SSH3: variants seen among roughly 807,000 people sequenced by gnomAD.
SSH3 encodes the protein slingshot protein phosphatase 3.
In SSH3, 67 loss-of-function variants were observed where a neutral mutation model predicts 75.0. That is an observed-to-expected ratio of 0.89 (90% CI 0.73 to 1.10). The LOEUF is 1.10. SSH3 is among the 50% of genes least tolerant of loss of function. SSH3 has a pLI of 0.00. For missense variants in SSH3, 824 were observed against 872.7 expected (o/e 0.94, Z 0.70); for synonymous variants, 318 against 349.2 (o/e 0.91, Z 1.00).
chr11:67,306,882 G>A lies in SSH3; in HGVS notation c.384G>A (p.Leu128=), dbSNP rs773250919. The change falls in exon 4 of 14, where the codon CTG becomes CTA. Residue 128 remains leucine, a synonymous_variant. Transcript: ENST00000308127. ...CCCGGCCTCCCCGGCTCCGCTACCTGCTGGTAGTTTCTACACGAGAAGGAG... is the reference window on the plus strand; with the variant it reads ...CCCGGCCTCCCCGGCTCCGCTACCTACTGGTAGTTTCTACACGAGAAGGAG... ...EAPRPPRLRY[L]LVVSTREGEG... The A allele has an allele frequency of 9.9e-6, 16 of 1,613,622 alleles. No homozygotes were observed. Among genetic ancestry groups the A allele is most frequent in the East Asian group, 2.2e-5 (1 of 44,870 alleles).
At position 67,309,392 on chromosome 11, in the gene SSH3, G is replaced by A; in HGVS notation, c.1062-5G>A. On this transcript the variant is annotated splice_polypyrimidine_tract_variant and splice_region_variant and intron_variant, in intron 10 of 13. Transcript: ENST00000308127. ...ATCAGCCTGGCCTTGGGCCCTCTGG[G>A]ACAGGGTCACCCACATCTTGAACAT... The A allele has an allele frequency of 6.2e-7, 1 of 1,614,160 alleles. No homozygotes were observed. Among genetic ancestry groups the A allele is most frequent in the South Asian group, 1.1e-5 (1 of 91,082 alleles).
Position 67,307,063 on chromosome 11 carries a change from C to T in SSH3, c.486C>T (p.Gly162=). The T allele has an allele frequency of 6.2e-7, 1 of 1,614,122 alleles. No individual in the cohort carries two copies. Among genetic ancestry groups the T allele is most frequent in the Non-Finnish European group, 8.5e-7 (1 of 1,180,016 alleles). ...PDSSSPSCTL[G]LVLPLWSDTQ... is the part of the protein sequence containing the mutation. ...CCAGCTCCCCCAGCTGCACCCTGGG[C>T]CTGGTCTTGCCCCTCTGGAGTGACA... The change falls in exon 5 of 14, where the codon GGC becomes GGT. Residue 162 remains glycine (G), a synonymous_variant. Coordinates refer to ENST00000308127, the MANE Select transcript of SSH3 (RefSeq NM_017857.4). The surrounding 1 kb of genome is among the most constrained non-coding windows in gnomAD (Gnocchi z 4.2).
In SSH3 at chr11:67,303,687, C is replaced by T; in HGVS notation, c.62C>T (p.Pro21Leu). ...PGSGASTPVG[P>L]WDQAVQRRSR... is the part of the protein sequence containing the mutation. Reference sequence around the variant, plus strand: ...AGCGGCGCCTCCACGCCCGTGGGGCCCTGGGTGAGTGTGGTCCGGCCGTGG... The same window carrying T: ...AGCGGCGCCTCCACGCCCGTGGGGCTCTGGGTGAGTGTGGTCCGGCCGTGG... Residue 21 changes from proline to leucine, a missense_variant, in exon 1 of 14, where the codon CCC (proline) becomes CTC (leucine). Physicochemically the swap from Pro to Leu is moderately conservative, Grantham distance 98 (BLOSUM62 -3). Coordinates refer to ENST00000308127, the MANE Select transcript of SSH3 (RefSeq NM_017857.4). The T allele has an allele frequency of 1.3e-6, 2 of 1,509,434 alleles. No homozygotes were observed. Among genetic ancestry groups the T allele is most frequent in the Non-Finnish European group, 8.8e-7 (1 of 1,135,632 alleles). 93.5% of individuals were successfully genotyped at this position (1,509,434 alleles called of 1,614,324 possible). A position where few individuals can be genotyped will look rare whatever the true frequency, so the allele number is the denominator to read the frequency against.
rs1861155290 is a variant in SSH3, at chr11:67,304,133, CGAA to C, written c.84_86del (p.Arg29del). On this transcript the variant is annotated inframe_deletion, in exon 2 of 14. Coordinates refer to ENST00000308127, the MANE Select transcript of SSH3 (RefSeq NM_017857.4). The stretch of plus-strand genomic sequence containing the variant: ...CTCTCCGCAGGACCAGGCGGTCCAG[CGAA>C]GGAGTCGACTCCAGCGAAGGTGAGC... The C allele has an allele frequency of 6.3e-7, 1 of 1,599,000 alleles. No individual in the cohort carries two copies. Among genetic ancestry groups the C allele is most frequent in the East Asian group, 2.2e-5 (1 of 44,582 alleles).
chr11:67,307,792 G>A lies in SSH3; in HGVS notation c.792-54G>A, dbSNP rs879134443. On this transcript the variant is annotated intron_variant, in intron 7 of 13. Transcript: ENST00000308127. This position sits in a 1 kb window ranked among gnomAD's most constrained non-coding sequence, Gnocchi z 4.2. ...GAGGGGAAGGCAGGATAATGCAGTG[G>A]GGGGCATGGTGGAGAGGGGAAAGGG... 1.5e-5 allele frequency: 24 copies of A among 1,613,974 alleles called. No homozygotes were observed. The highest frequency in any genetic ancestry group is 1.9e-5 in the Non-Finnish European group (22 of 1,179,988).
At position 67,304,253 on chromosome 11, in the gene SSH3, G is replaced by A. The variant is rs527651444; in HGVS notation, c.104+98G>A. ...TGCAGGGACAGAAAGCTCCCCGGAG[G>A]ACGCGCAGCGAAGCCCACTGCCAAA... On this transcript the variant is annotated intron_variant, in intron 2 of 13. Coordinates refer to ENST00000308127, the MANE Select transcript of SSH3 (RefSeq NM_017857.4). 38 of 983,580 alleles carry A rather than the reference G, an allele frequency of 3.9e-5. No individual in the cohort carries two copies. In the African/African-American group the frequency reaches 5.0e-4, roughly 13 times the overall value. The allele number at this position is 983,580 out of a possible 1,614,324, so 60.9% of individuals were successfully genotyped here.
At chr11:67,303,898 C>A (rs1590880960) in intron 1 of SSH3, 1 of 764,170 alleles carries the variant, frequency 1.3e-6, no homozygotes, top group Non-Finnish European at 2.0e-6. Flanking sequence ...GCTGCGGAGG[C>A]CCCGATCTGA....
At chr11:67,304,711 C>A in intron 2 of SSH3, 62 bp from the exon 3 acceptor site, 1 of 1,510,764 alleles carries the variant, frequency 6.6e-7, no homozygotes, top group Non-Finnish European at 9.0e-7. Context: ...GCATGCTAGA[C>A]TTTGAGAGCC....
rs1861262439 is a variant in SSH3, at chr11:67,306,946, G to C, written c.448G>C (p.Asp150His). The C allele has an allele frequency of 4.3e-6, 7 of 1,612,780 alleles. No homozygotes were observed. The highest frequency in any genetic ancestry group is 5.9e-6 in the Non-Finnish European group (7 of 1,178,936). The change falls in exon 4 of 14, where the codon GAT becomes CAT. Residue 150 changes from aspartate (D) to histidine (H), a missense_variant. By Grantham distance (81) the Asp-to-His change is moderately conservative. Coordinates refer to ENST00000308127, the MANE Select transcript of SSH3 (RefSeq NM_017857.4). ...SQDETVLLGV[D>H]FPDSSSPSCT... ...GGATGAGACGGTCCTCCTGGGCGTG[G>C]ATTTCCCTGACAGCAGGTTCGAGCA...
In SSH3 at chr11:67,307,645, G is replaced by A. The variant is rs761156186; in HGVS notation, c.699G>A (p.Gln233=). Residue 233 remains glutamine (Q), a synonymous_variant, in exon 7 of 14, where the codon CAG becomes CAA. Coordinates refer to ENST00000308127, the MANE Select transcript of SSH3 (RefSeq NM_017857.4). This position sits in a 1 kb window ranked among gnomAD's most constrained non-coding sequence, Gnocchi z 4.2. ...GSALTWASHY[Q]ERLNSEQSCL... ...CCCTCACCTGGGCCAGCCACTACCA[G>A]GAGAGACTGAACTCCGAACAGAGCT... 2 of 1,614,078 alleles carry A rather than the reference G, an allele frequency of 1.2e-6. No homozygotes were observed. The highest frequency in any genetic ancestry group is 1.1e-5 in the South Asian group (1 of 91,086).
Position 67,312,033 on chromosome 11 carries a change from C to CA in SSH3, c.*146_*147insA, listed in dbSNP as rs1861427548. The CA allele has an allele frequency of 9.4e-7, 1 of 1,061,852 alleles. No homozygotes were observed. Among genetic ancestry groups the CA allele is most frequent in the African/African-American group, 1.7e-5 (1 of 60,168 alleles). 65.8% of individuals were successfully genotyped at this position (1,061,852 alleles called of 1,614,324 possible). A position where few individuals can be genotyped will look rare whatever the true frequency, so the allele number is the denominator to read the frequency against. On this transcript the variant is annotated 3_prime_UTR_variant, in exon 14 of 14. Transcript: ENST00000308127. ...GCCTCACCTCCCACCCCTGTCACTA[C>CA]GGCCTCACCTCCCACCCCTGTCACT...
At position 67,307,382 on chromosome 11, in the gene SSH3, T is replaced by C. The variant is rs1861275858; in HGVS notation, c.548T>C (p.Val183Ala). ...VYLDGDGGFS[V>A]TSGGQSRIFK... ...CTGGTCTCCTGCAGGGGCTTCAGCG[T>C]GACGTCTGGTGGGCAAAGCCGGATC... is the stretch of plus-strand genomic sequence containing the variant. Residue 183 changes from valine to alanine, a missense_variant, in exon 6 of 14, where the codon GTG becomes GCG. Coordinates refer to ENST00000308127, the MANE Select transcript of SSH3 (RefSeq NM_017857.4). This position sits in a 1 kb window ranked among gnomAD's most constrained non-coding sequence, Gnocchi z 4.2. 1 of 1,614,012 alleles carries C rather than the reference T, an allele frequency of 6.2e-7. No homozygotes were observed. Among genetic ancestry groups the C allele is most frequent in the Non-Finnish European group, 8.5e-7 (1 of 1,180,010 alleles).
Position 67,308,870 on chromosome 11 carries a change from G to A in SSH3, c.1061+412G>A, listed in dbSNP as rs541513917. ...TGAGGCCGCAGTGAGCCGTGATCAC[G>A]CCACTGCACTCCAGCCTGGGCAACA... On this transcript the variant is annotated intron_variant, in intron 10 of 13. Transcript: ENST00000308127. The surrounding 1 kb of genome is among the most constrained non-coding windows in gnomAD (Gnocchi z 4.9). 2.0e-5 allele frequency among the ~76,000 whole-genome samples: 3 copies of A among 152,034 alleles called. No homozygotes were observed. The highest frequency in any genetic ancestry group is 4.4e-5 in the Non-Finnish European group (3 of 68,000).
Position 67,308,587 on chromosome 11 carries a change from G to A in SSH3, c.1061+129G>A. ...AGCTGCTAGCTCTGCTTCTAACTCTGTCCTGGGGCTGTTGCCCTGGTGTGG... is the reference window on the plus strand; with the variant it reads ...AGCTGCTAGCTCTGCTTCTAACTCTATCCTGGGGCTGTTGCCCTGGTGTGG... On this transcript the variant is annotated intron_variant, in intron 10 of 13. Coordinates refer to ENST00000308127, the MANE Select transcript of SSH3 (RefSeq NM_017857.4). The surrounding 1 kb of genome is among the most constrained non-coding windows in gnomAD (Gnocchi z 4.9). 7.4e-7 allele frequency: 1 copy of A among 1,343,568 alleles called. No homozygotes were observed. The highest frequency in any genetic ancestry group is 2.2e-5 in the Admixed American group (1 of 45,878). The allele number at this position is 1,343,568 out of a possible 1,614,324, so 83.2% of individuals were successfully genotyped here.
intron 13 of SSH3, 140 bp downstream of exon 13, chr11:67,310,479 T>A: frequency 8.8e-7 from 1 of 1,139,474 alleles, no homozygotes; most frequent in Non-Finnish European, 1.2e-6. Flanking sequence ...ATGCAGGGTG[T>A]CCTGGGAGGA....
In SSH3 at chr11:67,310,356, G is replaced by A; in HGVS notation, c.1683+17G>A. 1 of 1,589,150 alleles carries A rather than the reference G, an allele frequency of 6.3e-7. No homozygotes were observed. Among genetic ancestry groups the A allele is most frequent in the Non-Finnish European group, 8.6e-7 (1 of 1,166,296 alleles). ...ATGCCAGAGGTGAGGCTGGGGCTGG[G>A]GGAGCTCAGCTTGCAGGGGTGGGGG... On this transcript the variant is annotated intron_variant, in intron 13 of 13. Coordinates refer to ENST00000308127, the MANE Select transcript of SSH3 (RefSeq NM_017857.4).
At chr11:67,311,545 C>T in intron 13 of SSH3, 46 bp from the exon 14 acceptor site, 3 of 1,608,158 alleles carry the variant, frequency 1.9e-6, no homozygotes, top group Non-Finnish European at 1.7e-6. Flanking sequence ...GGCACCCCTG[C>T]CCCAGAAAGG....
rs1292235797 is a variant in SSH3 at position 67,308,804 on chromosome 11, T to A, written c.1061+346T>A. ...TGAATGCGCCTGTGGGCCCAGCTAC[T>A]TGGGAGGCTGAGGCAGGAGGATCGC... On this transcript the variant is annotated intron_variant, in intron 10 of 13. Coordinates refer to ENST00000308127, the MANE Select transcript of SSH3 (RefSeq NM_017857.4). The surrounding 1 kb of genome is among the most constrained non-coding windows in gnomAD (Gnocchi z 4.9). Among the ~76,000 whole-genome samples the A allele has an allele frequency of 6.6e-6, 1 of 151,966 alleles. No homozygotes were observed. Among genetic ancestry groups the A allele is most frequent in the East Asian group, 1.9e-4 (1 of 5,154 alleles).
rs1573536 is a variant in SSH3, at chr11:67,311,706, G to A, written c.1799G>A (p.Arg600His). 30,627 of 1,613,956 alleles carry A rather than the reference G, an allele frequency of 0.019. 3,545 individuals are homozygous for A. The Admixed American group carries it at 0.29, about 15-fold the overall frequency. The change falls in exon 14 of 14, where the codon CGC becomes CAC. Residue 600 changes from arginine (R) to histidine (H), a missense_variant. By Grantham distance (29) the Arg-to-His change is conservative. Transcript: ENST00000308127. ...DRGPQPALKS[R>H]QSVVTLQGSA... The stretch of plus-strand genomic sequence containing the variant: ...GGGCCTCAGCCTGCCCTGAAGTCCC[G>A]CCAGTCAGTGGTTACCCTCCAGGGC...
Sources: gnomAD v4.1 joint callset for allele counts (sites outside exome capture counted in the v4.1 genomes callset) on GRCh38, gnomAD v4.1.1 for gene constraint, Gnocchi (gnomAD v3.1) non-coding constraint, MANE v1.5 for transcripts, NCBI Gene and HGNC (gene_info 2026-07-23, HGNC 2026-07-21) for gene names.